The following RBFOX3 variants were observed in gnomAD, a reference collection of about 807,000 sequenced individuals.
RBFOX3 encodes RNA binding fox-1 homolog 3, also known as RNA binding protein fox-1 homolog 3.
Under a neutral mutation model 48.7 loss-of-function variants are expected in RBFOX3, and 17 were observed. The observed-to-expected ratio is 0.35, with a 90% CI of 0.24 to 0.52. The LOEUF (loss-of-function observed/expected upper bound fraction) is 0.52. Among genes scored for constraint, RBFOX3 ranks in the 20% least tolerant of loss-of-function variants. The pLI, the probability that RBFOX3 is intolerant of heterozygous loss-of-function variation, is 0.94. For missense variants in RBFOX3, 382 were observed against 497.5 expected (o/e 0.77, Z 2.21); for synonymous variants, 212 against 209.5 (o/e 1.01, Z -0.10).
At chr17:79,521,700 C>T (rs1265460242) in intron 1 of RBFOX3, among the ~76,000 whole-genome samples, 8 of 152,256 alleles carry the variant, frequency 5.3e-5, no homozygotes, top group Non-Finnish European at 1.0e-4. Flanking sequence ...TACTCACACA[C>T]GGAGACACAC....
intron 4 of RBFOX3, among the ~76,000 whole-genome samples, chr17:79,181,708 C>G (rs2051986967): frequency 6.6e-6 from 1 of 152,238 alleles, no homozygotes; most frequent in Non-Finnish European, 1.5e-5. Flanking sequence ...TCCTGACCAT[C>G]ACACAGTTCC....
chr17:79,450,340 A>G (rs1555740788), intron 2 of RBFOX3, among the ~76,000 whole-genome samples: 1 of 152,210 alleles, frequency 6.6e-6, no homozygotes, highest in Non-Finnish European at 1.5e-5. Context: ...CTACTTTGGC[A>G]GTAGGAAGAA....
chr17:79,385,016 C>T (rs2060387705), intron 2 of RBFOX3, among the ~76,000 whole-genome samples: 1 of 152,252 alleles, frequency 6.6e-6, no homozygotes, highest in South Asian at 2.1e-4. Context: ...GGGCCTGGTT[C>T]AGAGGCAGGG....
chr17:79,331,810 AG>A (rs1174794074), intron 2 of RBFOX3, among the ~76,000 whole-genome samples: 5 of 152,184 alleles, frequency 3.3e-5, no homozygotes, highest in Non-Finnish European at 7.3e-5. Flanking sequence ...GTGACACTAC[AG>A]GGGACAGCAC....
intron 2 of RBFOX3, among the ~76,000 whole-genome samples, chr17:79,325,051 A>C (rs7219452): frequency 0.12 from 17,572 of 152,262 alleles, 1,044 homozygotes; most frequent in Non-Finnish European, 0.14. Flanking sequence ...GACTCTCTAG[A>C]AAATGTCCAA....
chr17:79,611,169 T>TCG (rs1359138866), upstream of RBFOX3, among the ~76,000 whole-genome samples: 4 of 25,926 alleles, frequency 1.5e-4, 1 homozygote, highest in South Asian at 3.5e-3. Context: ...TCTCTCTCTC[T>TCG]CTCTCCGCCC....
In RBFOX3 at chr17:79,198,981, T is replaced by C. The variant is rs759917414; in HGVS notation, c.-34+36785A>G. On this transcript the variant is annotated intron_variant, in intron 4 of 14. Coordinates refer to ENST00000693108, the MANE Select transcript of RBFOX3 (RefSeq NM_001350451.2). This position sits in a 1 kb window ranked among gnomAD's most constrained non-coding sequence, Gnocchi z 8.2. ...GCTTCCCACTGGTTAAAATACAAAT[T>C]GTCTCCTGCAAAGATGCTGAGTTTG... Among the ~76,000 whole-genome samples, 3 of 152,318 alleles carry C rather than the reference T, an allele frequency of 2.0e-5. No homozygotes were observed. Among genetic ancestry groups the C allele is most frequent in the Admixed American group, 6.5e-5 (1 of 15,292 alleles).
At position 79,435,812 on chromosome 17, in the gene RBFOX3, G is replaced by A. The variant is rs183730971; in HGVS notation, c.-175+46642C>T. ...TATCCACAACAGCCTTCCAGTCCCC[G>A]ATGTCTCCCAGCCACCTTGCACATC... On this transcript the variant is annotated intron_variant, in intron 2 of 14. Coordinates refer to ENST00000693108, the MANE Select transcript of RBFOX3 (RefSeq NM_001350451.2). Among the ~76,000 whole-genome samples, 14 of 152,238 alleles carry A rather than the reference G, an allele frequency of 9.2e-5. No homozygotes were observed. In the East Asian group the frequency reaches 1.4e-3, roughly 15 times the overall value.
chr17:79,332,565 G>A (rs561664234), intron 2 of RBFOX3, among the ~76,000 whole-genome samples: 51 of 123,078 alleles, frequency 4.1e-4, no homozygotes, highest in Non-Finnish European at 6.3e-4. Context: ...GTGTGGGGGC[G>A]TGGGGAGACA....
At chr17:79,100,789 C>A (rs2076289457) in intron 9 of RBFOX3, among the ~76,000 whole-genome samples, 1 of 152,352 alleles carries the variant, frequency 6.6e-6, no homozygotes, top group East Asian at 1.9e-4. Flanking sequence ...TTAAGACTCG[C>A]AGTGGCCACC....
the RBFOX3 span, among the ~76,000 whole-genome samples, chr17:79,652,707 T>G: frequency 6.6e-6 from 1 of 150,746 alleles, no homozygotes; most frequent in African/African-American, 2.5e-5. Context: ...TTTGTTTGTT[T>G]TAACTGAAGA....
At chr17:79,408,908 A>C (rs908672777) in intron 2 of RBFOX3, among the ~76,000 whole-genome samples, 1 of 152,180 alleles carries the variant, frequency 6.6e-6, no homozygotes, top group African/African-American at 2.4e-5. Context: ...TCTGTGATGC[A>C]ACCACTGTCT....
chr17:79,490,767 A>G (rs2080370523), intron 1 of RBFOX3, among the ~76,000 whole-genome samples: 1 of 151,442 alleles, frequency 6.6e-6, no homozygotes, highest in Non-Finnish European at 1.5e-5. Context: ...ACAACCCCAG[A>G]GGCAGGGTAT....
At chr17:79,219,260 T>G (rs1489223212) in intron 4 of RBFOX3, among the ~76,000 whole-genome samples, 2 of 152,142 alleles carry the variant, frequency 1.3e-5, no homozygotes, top group Non-Finnish European at 2.9e-5. Flanking sequence ...CTGAGGCTGC[T>G]GGCTGGGCAC....
rs1459121874 is a variant in RBFOX3, at chr17:79,477,836, G to C, written c.-175+4618C>G. Among the ~76,000 whole-genome samples the C allele has an allele frequency of 6.6e-6, 1 of 152,270 alleles. No individual in the cohort carries two copies. The highest frequency in any genetic ancestry group is 1.9e-4 in the East Asian group (1 of 5,186). ...TTAGGACCCAAGTCTCCAAAGACTG[G>C]CTCAAACTAAAGTCTTCTCATTAAA... is the stretch of plus-strand genomic sequence containing the variant. On this transcript the variant is annotated intron_variant, in intron 2 of 14. Coordinates refer to ENST00000693108, the MANE Select transcript of RBFOX3 (RefSeq NM_001350451.2). This position sits in a 1 kb window ranked among gnomAD's most constrained non-coding sequence, Gnocchi z 4.8.
the RBFOX3 span, among the ~76,000 whole-genome samples, chr17:79,658,156 T>C: frequency 6.6e-6 from 1 of 152,128 alleles, no homozygotes; most frequent in African/African-American, 2.4e-5. Context: ...GGACTTGCAG[T>C]GCCCATAAAA....
chr17:79,276,392 AT>A (rs368814340), intron 3 of RBFOX3, among the ~76,000 whole-genome samples: 73 of 152,338 alleles, frequency 4.8e-4, no homozygotes, highest in African/African-American at 1.7e-3. Context: ...TTTTAAAAAA[AT>A]AATGTTTCTT....
At chr17:79,412,576 G>A (rs773164134) in intron 2 of RBFOX3, among the ~76,000 whole-genome samples, 12 of 151,694 alleles carry the variant, frequency 7.9e-5, no homozygotes, top group Non-Finnish European at 7.4e-5. Context: ...TGGTATGTGT[G>A]TGTATGCACG....
chr17:79,519,172 G>C (rs1226854181), intron 1 of RBFOX3, among the ~76,000 whole-genome samples: 2 of 152,240 alleles, frequency 1.3e-5, no homozygotes, highest in Non-Finnish European at 2.9e-5. Flanking sequence ...ACAAAGGCCA[G>C]TTTCTATTCT....
Sources: gnomAD v4.1 joint callset for allele counts (sites outside exome capture counted in the v4.1 genomes callset) on GRCh38, gnomAD v4.1.1 for gene constraint, Gnocchi (gnomAD v3.1) non-coding constraint, MANE v1.5 for transcripts, NCBI Gene and HGNC (gene_info 2026-07-23, HGNC 2026-07-21) for gene names.